TCF4: variants seen among roughly 807,000 people sequenced by gnomAD.
The protein encoded by TCF4 is SL3-3 enhancer factor 2.
A neutral mutation model predicts 82.1 loss-of-function variants in TCF4; 3 were observed. The ratio of observed to expected loss-of-function variants is 0.04; its 90% CI spans 0.02 to 0.09. The LOEUF (loss-of-function observed/expected upper bound fraction) is 0.09. Ranked by LOEUF, TCF4 falls within the 10% of genes least tolerant of loss-of-function variation. The pLI is 1.00. For missense variants in TCF4, 518 were observed against 852.7 expected (o/e 0.61, Z 4.89); for synonymous variants, 276 against 309.6 (o/e 0.89, Z 1.14).
At chr18:55,371,311 A>G (rs1271973390) in intron 6 of TCF4, among the ~76,000 whole-genome samples, 1 of 152,192 alleles carries the variant, frequency 6.6e-6, no homozygotes, top group Non-Finnish European at 1.5e-5. Context: ...TGAGGGGGCC[A>G]TAGGGCCAGT....
At chr18:55,346,124 C>T (rs900218425) in intron 8 of TCF4, among the ~76,000 whole-genome samples, 4 of 152,036 alleles carry the variant, frequency 2.6e-5, no homozygotes, top group African/African-American at 4.8e-5. Flanking sequence ...ATACATAGGA[C>T]ATTTAAGGCC....
intron 11 of TCF4, among the ~76,000 whole-genome samples, chr18:55,263,410 T>C (rs151211210): frequency 1.1e-4 from 16 of 152,234 alleles, no homozygotes; most frequent in African/African-American, 3.6e-4. Flanking sequence ...CAACAAATTA[T>C]ATCTAGTGTG....
intron 8 of TCF4, chr18:55,321,530 C>G: frequency 1.6e-6 from 2 of 1,272,222 alleles, no homozygotes; most frequent in Non-Finnish European, 2.2e-6. Flanking sequence ...TTAGGATTGG[C>G]AAATGATAAA....
chr18:55,616,972 G>T (rs1160607701), intron 2 of TCF4, among the ~76,000 whole-genome samples: 1 of 151,900 alleles, frequency 6.6e-6, no homozygotes. Flanking sequence ...TGCTTTTGCT[G>T]CTTGTGTTTT....
At chr18:55,442,646 C>T (rs1323888699) in intron 5 of TCF4, among the ~76,000 whole-genome samples, 2 of 152,146 alleles carry the variant, frequency 1.3e-5, no homozygotes, top group Non-Finnish European at 2.9e-5. Context: ...ATCTGCAGTG[C>T]TTCCTAACTA....
chr18:55,514,789 C>G (rs868473762), intron 3 of TCF4, among the ~76,000 whole-genome samples: 15 of 151,768 alleles, frequency 9.9e-5, no homozygotes, highest in African/African-American at 3.4e-4. Context: ...TATGGATGCA[C>G]AAAGCAATTG....
At chr18:55,242,575 G>T (rs1234306775) in intron 15 of TCF4, among the ~76,000 whole-genome samples, 4 of 151,346 alleles carry the variant, frequency 2.6e-5, no homozygotes, top group Non-Finnish European at 4.4e-5. Flanking sequence ...CATTTGCAAG[G>T]AAAAATAAAC....
chr18:55,468,663 G>A (rs2924329), intron 3 of TCF4, among the ~76,000 whole-genome samples: 32,268 of 152,144 alleles, frequency 0.21, 4,399 homozygotes, highest in Non-Finnish European at 0.29. Flanking sequence ...ATAACATCTT[G>A]TGTGGTACTG....
chr18:55,357,634 T>C (rs528172707), intron 6 of TCF4, among the ~76,000 whole-genome samples: 168 of 152,320 alleles, frequency 1.1e-3, no homozygotes, highest in African/African-American at 3.2e-3. Context: ...AATAAAGGCA[T>C]ATCAAACTGT....
chr18:55,429,030 C>T (rs375644001), intron 5 of TCF4, among the ~76,000 whole-genome samples: 5 of 151,936 alleles, frequency 3.3e-5, no homozygotes, highest in African/African-American at 9.7e-5. Context: ...CTGTAAAAAC[C>T]GAGCATATTA....
intron 3 of TCF4, among the ~76,000 whole-genome samples, chr18:55,568,422 T>C (rs1051805700): frequency 2.0e-5 from 3 of 151,748 alleles, no homozygotes; most frequent in African/African-American, 7.2e-5. Context: ...AATACCTTTG[T>C]ATAACTTTAT....
At chr18:55,248,399 C>G (rs551194528) in intron 15 of TCF4, among the ~76,000 whole-genome samples, 1 of 152,282 alleles carries the variant, frequency 6.6e-6, no homozygotes, top group South Asian at 2.1e-4. Flanking sequence ...GATGCTGATG[C>G]CTCTGTTGAT....
At chr18:55,395,339 G>T (rs1030105303) in intron 6 of TCF4, among the ~76,000 whole-genome samples, 1 of 152,110 alleles carries the variant, frequency 6.6e-6, no homozygotes, top group African/African-American at 2.4e-5. Context: ...TAAAGATGAA[G>T]AACTGTAGTC....
chr18:55,349,128 G>A (rs904276326), intron 8 of TCF4, among the ~76,000 whole-genome samples: 3 of 152,080 alleles, frequency 2.0e-5, no homozygotes, highest in South Asian at 2.1e-4. Context: ...AGTTGAAAGT[G>A]ACTATACACC....
intron 2 of TCF4, chr18:55,586,226 A>AGCGGCG (rs2097649831): frequency 9.7e-7 from 1 of 1,029,650 alleles, no homozygotes; most frequent in Admixed American, 2.3e-5. Context: ...CAGCAGCAGC[A>AGCGGCG]GCATGAAAGA....
At chr18:55,349,454 T>C (rs1027478268) in intron 8 of TCF4, among the ~76,000 whole-genome samples, 2 of 152,110 alleles carry the variant, frequency 1.3e-5, no homozygotes, top group Non-Finnish European at 2.9e-5. Flanking sequence ...TATGATTTTA[T>C]ATTAAAGTAT....
intron 6 of TCF4, among the ~76,000 whole-genome samples, chr18:55,374,871 T>TA (rs5825137): frequency 0.28 from 18,556 of 66,844 alleles, 2,720 homozygotes; most frequent in East Asian, 0.56. Context: ...AGGCCCTGTC[T>TA]AAAAAAAAAA....
chr18:55,354,577 G>A (rs1228886764), intron 6 of TCF4, among the ~76,000 whole-genome samples: 1 of 152,146 alleles, frequency 6.6e-6, no homozygotes, highest in Non-Finnish European at 1.5e-5. Flanking sequence ...AGAACTCACT[G>A]CTTGAAGCTT....
intron 3 of TCF4, among the ~76,000 whole-genome samples, chr18:55,507,739 G>A (rs867910625): frequency 2.6e-5 from 4 of 152,186 alleles, no homozygotes; most frequent in Non-Finnish European, 5.9e-5. Flanking sequence ...AACCTTGGCT[G>A]AAACTTAATT....
Sources: allele counts gnomAD v4.1 joint callset (sites outside exome capture counted in the v4.1 genomes callset), GRCh38; gene constraint gnomAD v4.1.1; transcripts MANE v1.5; gene names NCBI Gene and HGNC (gene_info 2026-07-23, HGNC 2026-07-21).